C6: variants seen among roughly 807,000 people sequenced by gnomAD.
The protein encoded by C6 is complement C6.
C6 carries 101 observed loss-of-function variants against 112.9 expected under a neutral mutation model. That is an observed-to-expected ratio of 0.89 (90% CI 0.76 to 1.06). The LOEUF is 1.06. Ranked by LOEUF, C6 falls within the 50% of genes least tolerant of loss-of-function variation. The pLI is 0.00. For missense variants in C6, 1,202 were observed against 1,104.6 expected (o/e 1.09, Z -1.25); for synonymous variants, 431 against 384.1 (o/e 1.12, Z -1.43).
In C6 at chr5:41,253,945, A is replaced by T. The variant is rs372181064; in HGVS notation, c.-21+7249T>A. 1.8e-4 allele frequency among the ~76,000 whole-genome samples: 27 copies of T among 152,348 alleles called. No homozygotes were observed. The South Asian group carries it at 5.6e-3, about 32-fold the overall frequency. On this transcript the variant is annotated intron_variant, in intron 1 of 17. Transcript: ENST00000263413. ...GTAATTTGGGATTTTATAACATTCC[A>T]AGTTCTCTAAGTATAGATCCCAACC...
upstream of C6, among the ~76,000 whole-genome samples, chr5:41,214,944 A>G (rs373227884): frequency 6.6e-6 from 1 of 152,102 alleles, no homozygotes; most frequent in Non-Finnish European, 1.5e-5. Flanking sequence ...GGTAAGGGGA[A>G]ATCCTTGAGA....
At chr5:41,253,096 A>T (rs1741465519) in intron 1 of C6, among the ~76,000 whole-genome samples, 1 of 152,236 alleles carries the variant, frequency 6.6e-6, no homozygotes. Flanking sequence ...ATGGGCTTGA[A>T]TTGAAATCTG....
chr5:41,240,580 G>A (rs1288411627), intron 1 of C6, among the ~76,000 whole-genome samples: 2 of 152,242 alleles, frequency 1.3e-5, no homozygotes, highest in African/African-American at 2.4e-5. Flanking sequence ...TGTGGATGCT[G>A]ATGTTGGTGG....
At chr5:41,239,006 G>A (rs1186061133) in intron 1 of C6, among the ~76,000 whole-genome samples, 2 of 151,894 alleles carry the variant, frequency 1.3e-5, no homozygotes, top group East Asian at 1.9e-4. Flanking sequence ...CATACTTATG[G>A]GGTAAATGTA....
At chr5:41,222,335 T>C (rs956382231) in intron 1 of C6, among the ~76,000 whole-genome samples, 6 of 152,050 alleles carry the variant, frequency 3.9e-5, no homozygotes, top group African/African-American at 1.2e-4. Flanking sequence ...GTTACAAAGT[T>C]GTTATATGCT....
At chr5:41,192,603 G>GC (rs1750302891) in intron 5 of C6, among the ~76,000 whole-genome samples, 1 of 151,030 alleles carries the variant, frequency 6.6e-6, no homozygotes, top group Non-Finnish European at 1.5e-5. Context: ...ATCTTGGTAA[G>GC]TTTTTTTTTG....
intron 1 of C6, among the ~76,000 whole-genome samples, chr5:41,206,018 G>C (rs183922747): frequency 4.6e-4 from 70 of 152,300 alleles, no homozygotes; most frequent in Non-Finnish European, 7.8e-4. Flanking sequence ...CTGAGACGAA[G>C]CTTCCAGAGG....
At chr5:41,155,874 A>T (rs1314640142) in intron 13 of C6, among the ~76,000 whole-genome samples, 5 of 152,164 alleles carry the variant, frequency 3.3e-5, no homozygotes, top group African/African-American at 1.2e-4. Flanking sequence ...TAAACTGAAT[A>T]AATAATATAT....
chr5:41,151,807 T>C (rs968595797), intron 15 of C6, among the ~76,000 whole-genome samples: 2 of 151,158 alleles, frequency 1.3e-5, no homozygotes, highest in African/African-American at 2.4e-5. Context: ...AAAGAACATA[T>C]GTGCAGAAGG....
chr5:41,243,826 G>A (rs1168553184), intron 1 of C6, among the ~76,000 whole-genome samples: 1 of 152,222 alleles, frequency 6.6e-6, no homozygotes, highest in East Asian at 1.9e-4. Context: ...AACTTGGACA[G>A]CTGGGGAGGT....
chr5:41,186,244 G>A, intron 5 of C6, 36 bp from the exon 6 acceptor site: 1 of 1,610,096 alleles, frequency 6.2e-7, no homozygotes, highest in Non-Finnish European at 8.5e-7. Flanking sequence ...TTCAACAGAT[G>A]TAGAACAATC....
intron 13 of C6, among the ~76,000 whole-genome samples, chr5:41,156,473 T>C (rs1746924749): frequency 6.6e-6 from 1 of 152,200 alleles, no homozygotes; most frequent in Non-Finnish European, 1.5e-5. Flanking sequence ...CTTAATTCTT[T>C]GCTGAAAGAA....
intron 5 of C6, among the ~76,000 whole-genome samples, chr5:41,186,564 C>G (rs1301894889): frequency 6.6e-6 from 1 of 152,002 alleles, no homozygotes; most frequent in Admixed American, 6.6e-5. Context: ...AATGCTATCC[C>G]AGGTCTACTT....
intron 8 of C6, 26 bp downstream of exon 8, chr5:41,176,449 A>G (rs1440571763): frequency 6.2e-7 from 1 of 1,610,860 alleles, no homozygotes; most frequent in East Asian, 2.2e-5. Flanking sequence ...TACCAGTTAA[A>G]AAGAGTGAGG....
chr5:41,169,065 G>A (rs976541817), intron 9 of C6, among the ~76,000 whole-genome samples: 9 of 152,220 alleles, frequency 5.9e-5, no homozygotes, highest in East Asian at 3.9e-4. Context: ...GCCTTTTTGT[G>A]AGGAAGATTC....
At chr5:41,203,417 C>A (rs989141430) in intron 1 of C6, among the ~76,000 whole-genome samples, 167 bp from the exon 2 acceptor site, 1 of 152,122 alleles carries the variant, frequency 6.6e-6, no homozygotes, top group African/African-American at 2.4e-5. Flanking sequence ...GAGTACAAAT[C>A]CTATTTTTAA....
In C6 at chr5:41,199,913, C is replaced by T. The variant is rs1269471861; in HGVS notation, c.301-1G>A. The T allele has an allele frequency of 6.2e-7, 1 of 1,613,272 alleles. No individual in the cohort carries two copies. The highest frequency in any genetic ancestry group is 8.5e-7 in the Non-Finnish European group (1 of 1,179,610). On this transcript the variant is annotated splice_acceptor_variant, in intron 3 of 17. Transcript: ENST00000337836. LOFTEE classifies it high-confidence loss of function. ...GACGCAAGACAGATCTAACTTTAGACTGAAAGGAAAGAAGAGAAAGATATA... is the reference window on the plus strand; with the variant it reads ...GACGCAAGACAGATCTAACTTTAGATTGAAAGGAAAGAAGAGAAAGATATA...
intron 7 of C6, among the ~76,000 whole-genome samples, chr5:41,180,407 T>G (rs4440413): frequency 0.17 from 25,633 of 152,126 alleles, 2,799 homozygotes; most frequent in South Asian, 0.28. Flanking sequence ...TCTAAAAATT[T>G]CAGATAGAAA....
chr5:41,261,116 C>T (rs1305157129), intron 1 of C6: 1 of 801,622 alleles, frequency 1.2e-6, no homozygotes. Context: ...AATCTTTTAA[C>T]CAGCCATTTC....
Sources: allele counts gnomAD v4.1 joint callset (sites outside exome capture counted in the v4.1 genomes callset), GRCh38; gene constraint gnomAD v4.1.1; transcripts MANE v1.5; gene names NCBI Gene and HGNC (gene_info 2026-07-23, HGNC 2026-07-21).